Variants in CDC42BPA observed in about 807,000 individuals in gnomAD.
CDC42BPA encodes the protein serine/threonine-protein kinase MRCK alpha.
Under a neutral mutation model 223.5 loss-of-function variants are expected in CDC42BPA, and 80 were observed. The observed-to-expected ratio is 0.36, with a 90% CI of 0.30 to 0.43. The LOEUF (loss-of-function observed/expected upper bound fraction) is 0.43, where lower values mean the gene tolerates loss of function less well. Among genes scored for constraint, CDC42BPA ranks in the 20% least tolerant of loss-of-function variants. CDC42BPA has a pLI of 1.00. For synonymous variants in CDC42BPA, 694 were observed against 718.6 expected, an observed-to-expected ratio of 0.97 and a Z score of 0.55; for missense variants, 1,743 against 2,099.9, an observed-to-expected ratio of 0.83 and a Z score of 3.32.
chr1:227,211,641 A>C (rs759297703), intron 3 of CDC42BPA, among the ~76,000 whole-genome samples: 22 of 152,120 alleles, frequency 1.4e-4, no homozygotes, highest in Non-Finnish European at 2.4e-4. Flanking sequence ...GGAACTGGAG[A>C]TCATTATCCC....
chr1:227,265,417 C>T (rs569300297), intron 1 of CDC42BPA, among the ~76,000 whole-genome samples: 2 of 152,020 alleles, frequency 1.3e-5, no homozygotes, highest in East Asian at 3.9e-4. Context: ...AAAAAAGTTT[C>T]AAAAATTAGG....
At chr1:227,285,758 A>C (rs1688706888) in intron 1 of CDC42BPA, among the ~76,000 whole-genome samples, 1 of 152,248 alleles carries the variant, frequency 6.6e-6, no homozygotes, top group Non-Finnish European at 1.5e-5. Flanking sequence ...GTGTAAAAAA[A>C]GGAGCCACCT....
intron 23 of CDC42BPA, among the ~76,000 whole-genome samples, chr1:227,041,684 G>A (rs1294384822): frequency 1.3e-5 from 2 of 152,156 alleles, no homozygotes; most frequent in Non-Finnish European, 2.9e-5. Flanking sequence ...AGAATGGGGT[G>A]AGAGTCTCAA....
chr1:227,151,857 C>T (rs1441248412), intron 6 of CDC42BPA, among the ~76,000 whole-genome samples: 1 of 108,860 alleles, frequency 9.2e-6, no homozygotes, highest in Non-Finnish European at 1.7e-5. Context: ...CCAACCTGGC[C>T]AAGAGGTCAT....
At chr1:227,060,401 A>G (rs1675638196) in intron 21 of CDC42BPA, among the ~76,000 whole-genome samples, 1 of 152,170 alleles carries the variant, frequency 6.6e-6, no homozygotes, top group African/African-American at 2.4e-5. Context: ...GTGAGCTCAC[A>G]ATACGTTGGA....
intron 2 of CDC42BPA, among the ~76,000 whole-genome samples, chr1:227,219,630 T>G (rs1048444325): frequency 6.6e-6 from 1 of 152,148 alleles, no homozygotes; most frequent in Non-Finnish European, 1.5e-5. Flanking sequence ...CTGATAGAAA[T>G]GCTCCTATCA....
intron 24 of CDC42BPA, 99 bp downstream of exon 24, chr1:227,040,032 T>C (rs1671059134): frequency 1.3e-6 from 1 of 780,322 alleles, no homozygotes; most frequent in Non-Finnish European, 2.2e-6. Flanking sequence ...AAGCAAATGA[T>C]TAAGTAAAAC....
chr1:227,306,477 G>A (rs1692569576), intron 1 of CDC42BPA, among the ~76,000 whole-genome samples: 2 of 152,098 alleles, frequency 1.3e-5, no homozygotes, highest in African/African-American at 4.8e-5. Flanking sequence ...ACACAGCAAA[G>A]GACTCTTAGA....
chr1:227,203,927 C>T (rs1411120182), intron 3 of CDC42BPA, among the ~76,000 whole-genome samples: 1 of 152,164 alleles, frequency 6.6e-6, no homozygotes, highest in Admixed American at 6.5e-5. Context: ...ATAAGATGCA[C>T]TCATCAGACT....
At chr1:227,207,187 G>GT (rs1455940923) in intron 3 of CDC42BPA, among the ~76,000 whole-genome samples, 1 of 146,322 alleles carries the variant, frequency 6.8e-6, no homozygotes, top group African/African-American at 2.5e-5. Flanking sequence ...GCGGTGTTTG[G>GT]TTTTTTGTCC....
At chr1:227,090,393 ATAAC>A (rs1368192944) in intron 16 of CDC42BPA, among the ~76,000 whole-genome samples, 1 of 152,224 alleles carries the variant, frequency 6.6e-6, no homozygotes, top group East Asian at 1.9e-4. Flanking sequence ...TGTTATTGGA[ATAAC>A]TAATAATTGA....
intron 16 of CDC42BPA, among the ~76,000 whole-genome samples, chr1:227,083,345 T>C (rs1251665601): frequency 6.6e-6 from 1 of 152,172 alleles, no homozygotes; most frequent in Non-Finnish European, 1.5e-5. Flanking sequence ...AAATGTTCTA[T>C]TGAGTCTTTT....
rs1333728866 is a variant in CDC42BPA at position 226,994,751 on chromosome 1, G to A, written c.5133+72C>T. 7.0e-7 allele frequency: 1 copy of A among 1,434,442 alleles called. No homozygotes were observed. Among genetic ancestry groups the A allele is most frequent in the Non-Finnish European group, 9.5e-7 (1 of 1,056,432 alleles). 88.9% of individuals were successfully genotyped at this position (1,434,442 alleles called of 1,614,324 possible). A position where few individuals can be genotyped will look rare whatever the true frequency, so the allele number is the denominator to read the frequency against. On this transcript the variant is annotated intron_variant, in intron 36 of 36. Transcript: ENST00000366766. This position sits in a 1 kb window ranked among gnomAD's most constrained non-coding sequence, Gnocchi z 4.0. Reference sequence around the variant, plus strand: ...CTGCTGCAGCTGAGGCCAATCCCAAGGTGGTGGGATTGCCTGGGAAGATGC... The same window carrying A: ...CTGCTGCAGCTGAGGCCAATCCCAAAGTGGTGGGATTGCCTGGGAAGATGC...
chr1:227,006,957 A>AACAACAACAACG (rs1360222028), intron 34 of CDC42BPA, among the ~76,000 whole-genome samples: 1 of 151,122 alleles, frequency 6.6e-6, no homozygotes, highest in African/African-American at 2.4e-5. Context: ...TCTCAACAAC[A>AACAACAACAACG]ACAACAACAA....
chr1:227,203,910 C>T (rs1376802505), intron 3 of CDC42BPA, among the ~76,000 whole-genome samples: 2 of 152,244 alleles, frequency 1.3e-5, no homozygotes, highest in African/African-American at 2.4e-5. Context: ...TTCTCTTCAT[C>T]GTATTGATAA....
intron 32 of CDC42BPA, among the ~76,000 whole-genome samples, chr1:227,018,824 TA>T (rs139557678): frequency 0.012 from 1,832 of 152,140 alleles, 21 homozygotes; most frequent in African/African-American, 0.035. Flanking sequence ...AGTACGTGTC[TA>T]AAAAAAATAC....
chr1:227,106,881 C>T (rs1375213136), intron 14 of CDC42BPA, among the ~76,000 whole-genome samples: 1 of 152,148 alleles, frequency 6.6e-6, no homozygotes, highest in Non-Finnish European at 1.5e-5. Flanking sequence ...TAGATACATG[C>T]ATTTATTTCT....
chr1:227,094,877 A>G (rs370673819), intron 15 of CDC42BPA, among the ~76,000 whole-genome samples: 1 of 152,218 alleles, frequency 6.6e-6, no homozygotes, highest in East Asian at 1.9e-4. Context: ...AGAATGTCAG[A>G]GTGGACCTAT....
intron 1 of CDC42BPA, among the ~76,000 whole-genome samples, chr1:227,306,732 G>A (rs1692620828): frequency 6.6e-6 from 1 of 152,132 alleles, no homozygotes; most frequent in East Asian, 1.9e-4. Context: ...TTTAGCTCAG[G>A]GCCAGATCAC....
Sources: gnomAD v4.1 joint callset for allele counts (sites outside exome capture counted in the v4.1 genomes callset) on GRCh38, gnomAD v4.1.1 for gene constraint, Gnocchi (gnomAD v3.1) non-coding constraint, MANE v1.5 for transcripts, NCBI Gene and HGNC (gene_info 2026-07-23, HGNC 2026-07-21) for gene names.